The following PFDN1 variants were observed in gnomAD, a reference collection of about 807,000 sequenced individuals.
The protein encoded by PFDN1 is prefoldin 1.
PFDN1 carries 6 observed loss-of-function variants against 17.3 expected under a neutral mutation model. The ratio of observed to expected loss-of-function variants is 0.35; its 90% CI spans 0.19 to 0.69. PFDN1 has a LOEUF of 0.69. PFDN1 is among the 30% of genes least tolerant of loss of function. The pLI, the probability that PFDN1 is intolerant of heterozygous loss-of-function variation, is 0.65. For synonymous variants in PFDN1, 58 were observed against 50.1 expected (o/e 1.16, Z -0.67); for missense variants, 113 against 146.2 (o/e 0.77, Z 1.17).
At chr5:140,253,705 G>T (rs1260796511) in intron 3 of PFDN1, among the ~76,000 whole-genome samples, 1 of 152,236 alleles carries the variant, frequency 6.6e-6, no homozygotes, top group African/African-American at 2.4e-5. Context: ...TGACAAGCCA[G>T]CAAATCACGT....
intron 2 of PFDN1, among the ~76,000 whole-genome samples, chr5:140,298,273 CATG>C: frequency 6.6e-6 from 1 of 152,078 alleles, no homozygotes; most frequent in East Asian, 1.9e-4. Flanking sequence ...GTCTACTTCT[CATG>C]ATGTCATTCC....
chr5:140,296,806 A>G (rs1374209257), intron 2 of PFDN1, among the ~76,000 whole-genome samples: 2 of 152,220 alleles, frequency 1.3e-5, no homozygotes, highest in Non-Finnish European at 2.9e-5. Context: ...TTCTCAACAT[A>G]TAACACAAAC....
chr5:140,285,271 C>T (rs886175213), intron 2 of PFDN1, among the ~76,000 whole-genome samples: 1 of 151,126 alleles, frequency 6.6e-6, no homozygotes, highest in African/African-American at 2.4e-5. Flanking sequence ...TGGCGTGAAC[C>T]CGGGAGGTGG....
At chr5:140,293,747 T>C (rs1365494419) in intron 2 of PFDN1, among the ~76,000 whole-genome samples, 1 of 152,038 alleles carries the variant, frequency 6.6e-6, no homozygotes, top group Non-Finnish European at 1.5e-5. Context: ...AGTTTTTAAA[T>C]CACTGACAAC....
chr5:140,298,794 G>A (rs890509752), intron 2 of PFDN1, among the ~76,000 whole-genome samples: 3 of 149,646 alleles, frequency 2.0e-5, no homozygotes, highest in African/African-American at 7.4e-5. Context: ...CACTCTTGTT[G>A]CCCAGGCTGG....
At chr5:140,272,605 G>A (rs372137632) in intron 3 of PFDN1, among the ~76,000 whole-genome samples, 4 of 151,768 alleles carry the variant, frequency 2.6e-5, no homozygotes, top group East Asian at 3.9e-4. Context: ...TGATCTACCC[G>A]CCTCAGCCTC....
chr5:140,263,191 C>T (rs1021534336), intron 3 of PFDN1, among the ~76,000 whole-genome samples: 3 of 152,208 alleles, frequency 2.0e-5, no homozygotes, highest in African/African-American at 4.8e-5. Context: ...CAAAGGGGCT[C>T]GGCCCCTTCT....
chr5:140,299,510 T>G (rs1311217867), intron 2 of PFDN1, among the ~76,000 whole-genome samples: 1 of 151,034 alleles, frequency 6.6e-6, no homozygotes, highest in African/African-American at 2.4e-5. Flanking sequence ...TGAGGCAGAA[T>G]TGTTTGAACC....
intron 3 of PFDN1, among the ~76,000 whole-genome samples, chr5:140,247,940 A>G (rs1764855775): frequency 6.6e-6 from 1 of 152,182 alleles, no homozygotes; most frequent in African/African-American, 2.4e-5. Flanking sequence ...CATGGTGACC[A>G]TGATAACCAT....
intron 3 of PFDN1, among the ~76,000 whole-genome samples, chr5:140,278,434 G>T (rs1448694206): frequency 2.0e-5 from 3 of 149,190 alleles, no homozygotes; most frequent in African/African-American, 7.4e-5. Flanking sequence ...GGCATGGTGG[G>T]CCTGTAGTCC....
rs1430527637 is a variant in PFDN1, at chr5:140,254,573, A to G, written c.286-8516T>C. On this transcript the variant is annotated intron_variant, in intron 3 of 3. Coordinates refer to ENST00000261813, the MANE Select transcript of PFDN1 (RefSeq NM_002622.5). The surrounding 1 kb of genome is among the most constrained non-coding windows in gnomAD (Gnocchi z 4.4). ...TGTACCATTCAAGGTGACTTCAACA[A>G]GAATGTAGATGACCCACCCAATACC... 6.6e-6 allele frequency among the ~76,000 whole-genome samples: 1 copy of G among 152,120 alleles called. No individual in the cohort carries two copies. Among genetic ancestry groups the G allele is most frequent in the Non-Finnish European group, 1.5e-5 (1 of 68,022 alleles).
intron 2 of PFDN1, among the ~76,000 whole-genome samples, chr5:140,290,148 T>G (rs2126698329): frequency 6.6e-6 from 1 of 152,340 alleles, no homozygotes; most frequent in East Asian, 1.9e-4. Context: ...GTTTCGGTAC[T>G]CTCTATTTTC....
chr5:140,273,604 C>G (rs571724907), intron 3 of PFDN1, among the ~76,000 whole-genome samples: 1 of 152,130 alleles, frequency 6.6e-6, no homozygotes, highest in African/African-American at 2.4e-5. Context: ...ACTGTCTGAC[C>G]AAAACTGTCA....
chr5:140,273,131 G>C lies in PFDN1; in HGVS notation c.285+8318C>G, dbSNP rs559324953. On this transcript the variant is annotated intron_variant, in intron 3 of 3. Transcript: ENST00000261813. ...ATGGTGGCATGCACCTGTAGTCCCA[G>C]CTACTCAGGAGGTTGAGGCAGAAGA... Among the ~76,000 whole-genome samples, 154 of 152,002 alleles carry C rather than the reference G, an allele frequency of 1.0e-3. 1 individual carries two copies. Among genetic ancestry groups the C allele is most frequent in the Middle Eastern group, 3.4e-3 (1 of 294 alleles).
chr5:140,295,965 C>T (rs1280629128), intron 2 of PFDN1, among the ~76,000 whole-genome samples: 1 of 151,982 alleles, frequency 6.6e-6, no homozygotes, highest in Non-Finnish European at 1.5e-5. Context: ...GATTATACTA[C>T]CCTCAAGCAT....
At chr5:140,285,987 A>T (rs565556555) in intron 2 of PFDN1, among the ~76,000 whole-genome samples, 186 of 152,194 alleles carry the variant, frequency 1.2e-3, no homozygotes, top group African/African-American at 4.3e-3. Context: ...AAATAAATAA[A>T]TTTTTTTAAA....
chr5:140,266,462 T>C lies in PFDN1; in HGVS notation c.285+14987A>G, dbSNP rs183029432. Among the ~76,000 whole-genome samples, 94 of 152,346 alleles carry C rather than the reference T, an allele frequency of 6.2e-4. 1 individual carries two copies. The East Asian group carries it at 0.016, about 26-fold the overall frequency. On this transcript the variant is annotated intron_variant, in intron 3 of 3. Coordinates refer to ENST00000261813, the MANE Select transcript of PFDN1 (RefSeq NM_002622.5). ...CGTCAATCTTCACTAATGTATGCTT[T>C]CCCAAGATATTTGCATGGCACCTCC...
intron 3 of PFDN1, among the ~76,000 whole-genome samples, chr5:140,280,013 A>C (rs899500633): frequency 9.6e-6 from 1 of 104,066 alleles, no homozygotes; most frequent in African/African-American, 4.9e-5. Context: ...AAAAAAAAAA[A>C]CAAAAAAAGA....
chr5:140,249,268 C>T (rs1199186556), intron 3 of PFDN1, among the ~76,000 whole-genome samples: 1 of 152,130 alleles, frequency 6.6e-6, no homozygotes, highest in Non-Finnish European at 1.5e-5. Flanking sequence ...TTAGGGTGGG[C>T]CCTGAATCCA....
Sources: allele counts gnomAD v4.1 joint callset (sites outside exome capture counted in the v4.1 genomes callset), GRCh38; gene constraint gnomAD v4.1.1; non-coding constraint Gnocchi (gnomAD v3.1); transcripts MANE v1.5; gene names NCBI Gene and HGNC (gene_info 2026-07-23, HGNC 2026-07-21).